The following CMYA5 variants were observed in gnomAD, a reference collection of about 807,000 sequenced individuals.
CMYA5 encodes cardiomyopathy-associated protein 5.
Under a neutral mutation model 318.9 loss-of-function variants are expected in CMYA5, and 246 were observed. That is an observed-to-expected ratio of 0.77 (90% CI 0.70 to 0.86). The LOEUF (loss-of-function observed/expected upper bound fraction) is 0.86. Among genes scored for constraint, CMYA5 ranks in the 40% least tolerant of loss-of-function variants. CMYA5 has a pLI of 0.00. For missense variants in CMYA5, 4,589 were observed against 4,678.2 expected, an observed-to-expected ratio of 0.98 and a Z score of 0.56; for synonymous variants, 1,641 against 1,729.5, an observed-to-expected ratio of 0.95 and a Z score of 1.27.
At chr5:79,723,784 A>AAAAAG (rs1301446726) in intron 1 of CMYA5, among the ~76,000 whole-genome samples, 3 of 151,848 alleles carry the variant, frequency 2.0e-5, no homozygotes, top group Non-Finnish European at 4.4e-5. Context: ...ATGAAAAAAA[A>AAAAAG]AAAAGAAAAG....
intron 2 of CMYA5, 28 bp downstream of exon 2, chr5:79,739,431 A>T: frequency 7.1e-7 from 1 of 1,409,468 alleles, no homozygotes; most frequent in Non-Finnish European, 9.4e-7. Context: ...ACACATAATT[A>T]ATAATATATA....
intron 1 of CMYA5, among the ~76,000 whole-genome samples, chr5:79,695,554 A>G (rs111497168): frequency 1.3e-5 from 2 of 152,342 alleles, no homozygotes; most frequent in African/African-American, 4.8e-5. Context: ...ATACTGAACA[A>G]TGCAGGTCTG....
rs761132937 is a variant in CMYA5, at chr5:79,731,940, A to G, written c.3175A>G (p.Ser1059Gly). The change falls in exon 2 of 13, where the codon AGT (serine) becomes GGT (glycine). Residue 1059 changes from serine (S) to glycine (G), a missense_variant. Transcript: ENST00000446378. ...TAATPVSEQF[S>G]SSQKQKAETF... Reference sequence around the variant, plus strand: ...TGCTACACCTGTATCTGAGCAGTTCAGTTCATCACAGAAGCAAAAAGCTGA... The same window carrying G: ...TGCTACACCTGTATCTGAGCAGTTCGGTTCATCACAGAAGCAAAAAGCTGA... 7 of 1,613,240 alleles carry G rather than the reference A, an allele frequency of 4.3e-6. No individual in the cohort carries two copies. In the South Asian group the frequency reaches 7.7e-5, roughly 18 times the overall value.
At chr5:79,728,058 C>T (rs1218086593) in intron 1 of CMYA5, among the ~76,000 whole-genome samples, 1 of 152,208 alleles carries the variant, frequency 6.6e-6, no homozygotes, top group Non-Finnish European at 1.5e-5. Context: ...ATTTAATCTT[C>T]TCAACAAGCT....
chr5:79,765,935 A>G (rs1360224680), intron 9 of CMYA5, among the ~76,000 whole-genome samples: 4 of 152,174 alleles, frequency 2.6e-5, no homozygotes, highest in African/African-American at 9.7e-5. Context: ...TCATCTGCAA[A>G]CACAGCCAAT....
At chr5:79,692,625 C>G (rs1428359758) in intron 1 of CMYA5, among the ~76,000 whole-genome samples, 1 of 152,178 alleles carries the variant, frequency 6.6e-6, no homozygotes, top group East Asian at 1.9e-4. Context: ...CCAATTTTCT[C>G]ATCTGTAAAA....
At chr5:79,788,676 T>C (rs1342407892) in intron 9 of CMYA5, among the ~76,000 whole-genome samples, 2 of 152,136 alleles carry the variant, frequency 1.3e-5, no homozygotes, top group Non-Finnish European at 2.9e-5. Flanking sequence ...GAAAATGATA[T>C]ATTCTTGGAG....
intron 5 of CMYA5, among the ~76,000 whole-genome samples, chr5:79,747,899 A>G (rs957756777): frequency 2.6e-5 from 4 of 152,192 alleles, no homozygotes; most frequent in Non-Finnish European, 4.4e-5. Flanking sequence ...TTCCATCCCA[A>G]TTCAAATTGT....
intron 12 of CMYA5, among the ~76,000 whole-genome samples, chr5:79,796,729 A>G (rs1023484177): frequency 6.6e-6 from 1 of 152,226 alleles, no homozygotes; most frequent in Non-Finnish European, 1.5e-5. Flanking sequence ...TCATGAAGCT[A>G]ATAGTCTACT....
At chr5:79,748,048 C>G (rs1237023079) in intron 5 of CMYA5, among the ~76,000 whole-genome samples, 1 of 152,062 alleles carries the variant, frequency 6.6e-6, no homozygotes, top group South Asian at 2.1e-4. Flanking sequence ...AAATTCTATT[C>G]AACAGAATAT....
rs1827906128 is a variant in CMYA5 at position 79,731,644 on chromosome 5, A to G, written c.2879A>G (p.Tyr960Cys). 2.5e-6 allele frequency: 4 copies of G among 1,613,948 alleles called. No individual in the cohort carries two copies. The highest frequency in any genetic ancestry group is 4.5e-5 in the East Asian group (2 of 44,888). The change falls in exon 2 of 13, where the codon TAT becomes TGT. Residue 960 changes from tyrosine (Y) to cysteine (C), a missense_variant. By Grantham distance (194) the Tyr-to-Cys change is radical. Around this residue, in one of 3 missense-constraint regions of CMYA5, gnomAD observed 2,132 missense variants for 2,131.3 expected, o/e 1.00. Transcript: ENST00000446378. ...GTGTCAGAATTCTCATTTCCACCGT[A>G]TGCAACCCAGGAAGCAGAGAAAAGA... ...AFVSEFSFPP[Y>C]ATQEAEKREF...
chr5:79,746,877 C>A (rs1366774257), intron 4 of CMYA5, among the ~76,000 whole-genome samples: 5 of 152,272 alleles, frequency 3.3e-5, no homozygotes, highest in Non-Finnish European at 1.5e-5. Context: ...CCCATTCCCC[C>A]TCCCCTGCAC....
At chr5:79,772,091 C>T (rs1239872783) in intron 9 of CMYA5, among the ~76,000 whole-genome samples, 1 of 151,764 alleles carries the variant, frequency 6.6e-6, no homozygotes, top group African/African-American at 2.4e-5. Flanking sequence ...TTGCGAAAGC[C>T]AGAGAAACCA....
chr5:79,729,071 G>T lies in CMYA5; in HGVS notation c.306G>T (p.Gln102His), dbSNP rs757816365. The change falls in exon 2 of 13, where the codon CAG (glutamine) becomes CAT (histidine). Residue 102 changes from glutamine to histidine, a missense_variant. By Grantham distance (24) the Gln-to-His change is conservative. Transcript: ENST00000446378. ...SSTPWASEES[Q>H]TSGVCSREGS... ...CTCCTTGGGCTTCAGAAGAAAGTCA[G>T]ACTTCTGGTGTGTGTAGTCGGGAAG... 3.1e-6 allele frequency: 5 copies of T among 1,613,920 alleles called. No individual in the cohort carries two copies. The highest frequency in any genetic ancestry group is 4.2e-6 in the Non-Finnish European group (5 of 1,179,874).
intron 10 of CMYA5, among the ~76,000 whole-genome samples, chr5:79,790,611 C>T (rs1829159472): frequency 6.6e-6 from 1 of 152,180 alleles, no homozygotes; most frequent in South Asian, 2.1e-4. Context: ...TCCTGAGGAT[C>T]TTGTTAAAAT....
rs139659592 is a variant in CMYA5 at position 79,757,514 on chromosome 5, A to G, written c.11111-1239A>G. Among the ~76,000 whole-genome samples the G allele has an allele frequency of 3.3e-3, 504 of 152,368 alleles. 2 individuals are homozygous for G. The highest frequency in any genetic ancestry group is 0.012 in the African/African-American group (480 of 41,582). ...TATTTTGTTTAATTTTTAAAAAGTTAGTAATTAAAAAAATTGATAGGGCTA... is the reference window on the plus strand; with the variant it reads ...TATTTTGTTTAATTTTTAAAAAGTTGGTAATTAAAAAAATTGATAGGGCTA... On this transcript the variant is annotated intron_variant, in intron 6 of 12. Coordinates refer to ENST00000446378, the MANE Select transcript of CMYA5 (RefSeq NM_153610.5).
chr5:79,743,987 G>A, intron 3 of CMYA5, 65 bp downstream of exon 3: 2 of 780,922 alleles, frequency 2.6e-6, no homozygotes, highest in South Asian at 2.0e-5. Flanking sequence ...AAATGATTCT[G>A]AGGTGAAGGG....
Position 79,799,546 on chromosome 5 carries a change from C to A in CMYA5, c.12140C>A (p.Ala4047Asp), listed in dbSNP as rs779276831. The A allele has an allele frequency of 3.7e-6, 6 of 1,613,980 alleles. No homozygotes were observed. In the East Asian group the frequency reaches 1.3e-4, roughly 36 times the overall value. The change falls in exon 13 of 13, where the codon GCC (alanine) becomes GAC (aspartate). Residue 4047 changes from alanine to aspartate, a missense_variant. Physicochemically the swap from Ala to Asp is moderately radical, Grantham distance 126. Transcript: ENST00000446378. Reference protein sequence around the residue: ...RFNEGVHPAFALEKPGKCTLH... With the variant: ...RFNEGVHPAFDLEKPGKCTLH... ...AATGAGGGTGTCCACCCTGCCTTTG[C>A]CCTGGAGAAACCTGGAAAATGTACT...
At chr5:79,752,567 T>G in intron 5 of CMYA5, 109 bp from the exon 6 acceptor site, 3 of 669,422 alleles carry the variant, frequency 4.5e-6, no homozygotes, top group Non-Finnish European at 7.6e-6. Context: ...AGGCCCTGCC[T>G]TATGCAAACC....
Sources: gnomAD v4.1 joint callset for allele counts (sites outside exome capture counted in the v4.1 genomes callset) on GRCh38, gnomAD v4.1.1 for gene constraint, gnomAD v4.1.1 regional missense constraint, MANE v1.5 for transcripts, NCBI Gene and HGNC (gene_info 2026-07-23, HGNC 2026-07-21) for gene names.